LIPE: variants seen among roughly 807,000 people sequenced by gnomAD.
LIPE encodes lipase E, hormone sensitive type, also known as hormone-sensitive lipase.
Under a neutral mutation model 88.5 loss-of-function variants are expected in LIPE, and 66 were observed. That is an observed-to-expected ratio of 0.75 (90% CI 0.61 to 0.91). LIPE has a LOEUF of 0.91. Among genes scored for constraint, LIPE ranks in the 40% least tolerant of loss-of-function variants. LIPE has a pLI of 0.00. For synonymous variants in LIPE, 570 were observed against 617.5 expected, an observed-to-expected ratio of 0.92 and a Z score of 1.14; for missense variants, 1,346 against 1,434.7, an observed-to-expected ratio of 0.94 and a Z score of 1.00.
Position 42,401,964 on chromosome 19 carries a change from G to T in LIPE, c.3079C>A (p.Leu1027Met), listed in dbSNP as rs2039987253. Reference sequence around the variant, plus strand: ...TCGCGGCACAGCGCCGCTAGGGTCAGGAAGCCGTGCGGCAGGTCCTCCACC... The same window carrying T: ...TCGCGGCACAGCGCCGCTAGGGTCATGAAGCCGTGCGGCAGGTCCTCCACC... ...RVVEDLPHGF[L>M]TLAALCRETR... is the part of the protein sequence containing the mutation. The change falls in exon 10 of 10, where the codon CTG becomes ATG. Residue 1027 changes from leucine to methionine, a missense_variant. Leu to Met is a conservative substitution (Grantham distance 15). Transcript: ENST00000244289. 1.3e-6 allele frequency: 2 copies of T among 1,557,866 alleles called. No homozygotes were observed. Among genetic ancestry groups the T allele is most frequent in the Non-Finnish European group, 1.7e-6 (2 of 1,154,856 alleles).
chr19:42,411,001 A>G (rs942607862), intron 1 of LIPE, among the ~76,000 whole-genome samples, 159 bp from the exon 2 acceptor site: 2 of 152,122 alleles, frequency 1.3e-5, no homozygotes, highest in African/African-American at 4.8e-5. Flanking sequence ...CTCCTCCCTT[A>G]GACATAAGAG....
chr19:42,415,424 C>T (rs1232360752), intron 1 of LIPE, among the ~76,000 whole-genome samples: 1 of 152,190 alleles, frequency 6.6e-6, no homozygotes, highest in African/African-American at 2.4e-5. Context: ...AACTAGGCCT[C>T]TTCTGCCAGT....
rs2040703850 is a variant in LIPE, at chr19:42,426,192, G to A, written c.883+75C>T. 27 of 1,437,464 alleles carry A rather than the reference G, an allele frequency of 1.9e-5. No individual in the cohort carries two copies. The East Asian group carries it at 2.2e-4, about 12-fold the overall frequency. 89.0% of individuals were successfully genotyped at this position (1,437,464 alleles called of 1,614,324 possible). On this transcript the variant is annotated intron_variant, in intron 1 of 9. Transcript: ENST00000244289. Reference sequence around the variant, plus strand: ...ATGACCAGAGCTAACCTGATACACCGTAAGTTTTTAGTATTTTTTAAGTAA... The same window carrying A: ...ATGACCAGAGCTAACCTGATACACCATAAGTTTTTAGTATTTTTTAAGTAA...
chr19:42,409,007 T>C (rs1463950143), intron 2 of LIPE, among the ~76,000 whole-genome samples: 3 of 151,666 alleles, frequency 2.0e-5, no homozygotes, highest in African/African-American at 7.3e-5. Flanking sequence ...TGCGGGGTGG[T>C]GCCACTGGTA....
At chr19:42,412,287 A>G (rs2040397729) in intron 1 of LIPE, 2 of 985,584 alleles carry the variant, frequency 2.0e-6, no homozygotes, top group Non-Finnish European at 2.4e-6. Context: ...TTCCCCTAGA[A>G]GAAGGTATTT....
rs571226972 is a variant in LIPE at position 42,409,226 on chromosome 19, C to T, written c.1420-904G>A. ...CAGCCACCACGGGGGCAGGGAGAGA[C>T]AGCGTCTGACAGAGCAGACAGGCAG... On this transcript the variant is annotated intron_variant, in intron 2 of 9. Transcript: ENST00000244289. Among the ~76,000 whole-genome samples, 10 of 152,040 alleles carry T rather than the reference C, an allele frequency of 6.6e-5. No individual in the cohort carries two copies. The South Asian group carries it at 2.1e-3, about 32-fold the overall frequency.
At chr19:42,423,392 G>C (rs761286366) in intron 1 of LIPE, 1 of 1,288,012 alleles carries the variant, frequency 7.8e-7, no homozygotes, top group Non-Finnish European at 1.0e-6. Context: ...GTTCCTTCCG[G>C]GCTGCTGCCG....
chr19:42,403,562 C>G (rs1413521544), intron 8 of LIPE, among the ~76,000 whole-genome samples: 2 of 151,730 alleles, frequency 1.3e-5, no homozygotes, highest in Non-Finnish European at 2.9e-5. Flanking sequence ...ATTCTCGTGC[C>G]TCAGCTTCCT....
At chr19:42,417,871 A>T (rs949857202) in intron 1 of LIPE, among the ~76,000 whole-genome samples, 3 of 152,272 alleles carry the variant, frequency 2.0e-5, no homozygotes, top group South Asian at 2.1e-4. Context: ...AATAAATAAA[A>T]AAATAAAAAA....
chr19:42,415,327 A>G (rs1328257209), intron 1 of LIPE, among the ~76,000 whole-genome samples: 1 of 152,224 alleles, frequency 6.6e-6, no homozygotes, highest in Non-Finnish European at 1.5e-5. Flanking sequence ...AAGTGAAAGA[A>G]GAGTCTTATG....
chr19:42,403,292 T>TGTGTGTGTGTGTGTGTGTGTGTGA (rs200935735), intron 8 of LIPE, among the ~76,000 whole-genome samples: 1 of 129,094 alleles, frequency 7.7e-6, no homozygotes, highest in African/African-American at 2.9e-5. Flanking sequence ...TGTGTGTGTG[T>TGTGTGTGTGTGTGTGTGTGTGTGA]GACTGGGAAG....
At chr19:42,424,559 C>G (rs1188659196) in intron 1 of LIPE, 1 of 456,238 alleles carries the variant, frequency 2.2e-6, no homozygotes, top group African/African-American at 2.0e-5. Context: ...TTCCTTCCCT[C>G]TCAAAGCATA....
rs564484545 is a variant in LIPE at position 42,405,305 on chromosome 19, T to C, written c.2542+80A>G. ...CAGGTCTGAACCACCATGCCCAGCA[T>C]CTTCCCTGGGACTTTTGCTGTGCTA... On this transcript the variant is annotated intron_variant, in intron 8 of 9. Coordinates refer to ENST00000244289, the MANE Select transcript of LIPE (RefSeq NM_005357.4). 45 of 1,443,646 alleles carry C rather than the reference T, an allele frequency of 3.1e-5. No homozygotes were observed. The South Asian group carries it at 5.5e-4, about 18-fold the overall frequency. The allele number at this position is 1,443,646 out of a possible 1,614,324, so 89.4% of individuals were successfully genotyped here.
chr19:42,426,894 C>A lies in LIPE; in HGVS notation c.256G>T (p.Glu86Ter), dbSNP rs919077813. 9.3e-6 allele frequency: 15 copies of A among 1,614,164 alleles called. No homozygotes were observed. Among genetic ancestry groups the A allele is most frequent in the Non-Finnish European group, 1.0e-5 (12 of 1,180,032 alleles). Residue 86 changes from glutamate (E) to a stop codon, truncating the protein, a stop_gained, in exon 1 of 10, where the codon GAA becomes TAA. Coordinates refer to ENST00000244289, the MANE Select transcript of LIPE (RefSeq NM_005357.4). LOFTEE classifies it high-confidence loss of function. ...RAQQKSASQEEFLAPQKPAPQ... is the reference protein window; with the variant it reads ...RAQQKSASQE ...GCGGGCTTCTGTGGGGCAAGAAATT[C>A]CTCTTGTGAAGCAGATTTTTGTTGG...
chr19:42,413,543 G>A (rs1267278372), intron 1 of LIPE, among the ~76,000 whole-genome samples: 1 of 152,202 alleles, frequency 6.6e-6, no homozygotes, highest in East Asian at 1.9e-4. Flanking sequence ...GTGGGCACCT[G>A]TAGTCCCAGC....
chr19:42,419,717 A>G (rs1237853108), intron 1 of LIPE, among the ~76,000 whole-genome samples: 8 of 149,984 alleles, frequency 5.3e-5, no homozygotes, highest in South Asian at 2.1e-4. Flanking sequence ...TGGATGGGGG[A>G]TGGAGGAAGG....
At chr19:42,413,912 C>T (rs894708494) in intron 1 of LIPE, among the ~76,000 whole-genome samples, 2 of 152,168 alleles carry the variant, frequency 1.3e-5, no homozygotes, top group African/African-American at 2.4e-5. Flanking sequence ...GAGGACGGCC[C>T]CTCCCCAGGG....
rs1426633504 is a variant in LIPE at position 42,401,589 on chromosome 19, C to G, written c.*223G>C. On this transcript the variant is annotated 3_prime_UTR_variant, in exon 10 of 10. Coordinates refer to ENST00000244289, the MANE Select transcript of LIPE (RefSeq NM_005357.4). ...CCAGTCCCCGTCCCTGCGGCGGTCG[C>G]CGCAGCAGCAGCAGCAAAAGGCAGC... The G allele has an allele frequency of 2.1e-5, 11 of 511,682 alleles. No individual in the cohort carries two copies. The East Asian group carries it at 3.5e-4, about 16-fold the overall frequency. The allele number at this position is 511,682 out of a possible 1,614,324, so 31.7% of individuals were successfully genotyped here.
Position 42,407,399 on chromosome 19 carries a change from G to C in LIPE, c.1912C>G (p.Gln638Glu). ...AGGGACCGCGAGCGGGGTGCCTGCT[G>C]GGGGCGCGGCCACAGCTCCAGGCTC... ...QRSLELWPRP[Q>E]QAPRSRSLIV... The change falls in exon 6 of 10, where the codon CAG becomes GAG. Residue 638 changes from glutamine (Q) to glutamate (E), a missense_variant. By Grantham distance (29) the Gln-to-Glu change is conservative. Coordinates refer to ENST00000244289, the MANE Select transcript of LIPE (RefSeq NM_005357.4). This position sits in a 1 kb window ranked among gnomAD's most constrained non-coding sequence, Gnocchi z 5.8. 1 of 1,613,654 alleles carries C rather than the reference G, an allele frequency of 6.2e-7. No homozygotes were observed. The highest frequency in any genetic ancestry group is 8.5e-7 in the Non-Finnish European group (1 of 1,179,844).
Sources: allele counts gnomAD v4.1 joint callset (sites outside exome capture counted in the v4.1 genomes callset), GRCh38; gene constraint gnomAD v4.1.1; non-coding constraint Gnocchi (gnomAD v3.1); transcripts MANE v1.5; gene names NCBI Gene and HGNC (gene_info 2026-07-23, HGNC 2026-07-21).